The following CTNNA3 variants were observed in gnomAD, a reference collection of about 807,000 sequenced individuals.
CTNNA3 encodes the protein catenin alpha 3.
Under a neutral mutation model 95.7 loss-of-function variants are expected in CTNNA3, and 76 were observed. The ratio of observed to expected loss-of-function variants is 0.79; its 90% CI spans 0.66 to 0.96. The LOEUF (loss-of-function observed/expected upper bound fraction) is 0.96, where lower values mean the gene tolerates loss of function less well. CTNNA3 is among the 40% of genes least tolerant of loss of function. CTNNA3 has a pLI of 0.00. For synonymous variants in CTNNA3, 431 were observed against 374.4 expected, an observed-to-expected ratio of 1.15 and a Z score of -1.74; for missense variants, 1,191 against 1,089.8, an observed-to-expected ratio of 1.09 and a Z score of -1.31.
chr10:67,701,925 A>T (rs1199524969), intron 1 of CTNNA3, among the ~76,000 whole-genome samples: 2 of 152,198 alleles, frequency 1.3e-5, no homozygotes, highest in Non-Finnish European at 2.9e-5. Flanking sequence ...AAAAGGATGG[A>T]GGAAGATCTA....
At chr10:66,206,731 G>C (rs554058411) in intron 13 of CTNNA3, among the ~76,000 whole-genome samples, 1 of 151,940 alleles carries the variant, frequency 6.6e-6, no homozygotes, top group South Asian at 2.1e-4. Flanking sequence ...ATTAAGAGAA[G>C]ATTTTCTTTG....
At chr10:66,599,675 G>A (rs1014735200) in intron 10 of CTNNA3, among the ~76,000 whole-genome samples, 1 of 151,496 alleles carries the variant, frequency 6.6e-6, no homozygotes, top group Non-Finnish European at 1.5e-5. Flanking sequence ...AAGTGTCTTA[G>A]GAAATGAGTT....
At chr10:67,589,354 G>T (rs146650843) in intron 3 of CTNNA3, among the ~76,000 whole-genome samples, 2,421 of 151,948 alleles carry the variant, frequency 0.016, 22 homozygotes, top group South Asian at 0.034. Context: ...TATATACCCA[G>T]GGCCCAAAAT....
At chr10:66,232,144 T>G (rs1441104485) in intron 13 of CTNNA3, among the ~76,000 whole-genome samples, 2 of 152,176 alleles carry the variant, frequency 1.3e-5, no homozygotes, top group Admixed American at 1.3e-4. Context: ...TCCAATGCCT[T>G]GATTTCAGTC....
At chr10:66,115,751 T>C (rs1331617776) in intron 13 of CTNNA3, among the ~76,000 whole-genome samples, 3 of 152,056 alleles carry the variant, frequency 2.0e-5, no homozygotes, top group African/African-American at 7.2e-5. Flanking sequence ...CTAGGCACAG[T>C]AATAAAGCAA....
rs2077062157 is a variant in CTNNA3 at position 65,920,332 on chromosome 10, A to G, written c.2686T>C (p.Ter896ArgextTer39). Residue 896 changes from the stop codon to arginine (R), a stop_lost, in exon 18 of 18, where the codon TGA (stop) becomes CGA (arginine). Transcript: ENST00000433211. ...MSEFRGRQIY* is the reference protein window; with the variant it reads ...MSEFRGRQIYR Reference sequence around the variant, plus strand: ...GCACTATATGTAGAATAGTGGTTTCAGTAGATTTGTCTTCCTCTAAATTCA... The same window carrying G: ...GCACTATATGTAGAATAGTGGTTTCGGTAGATTTGTCTTCCTCTAAATTCA... 2 of 1,612,922 alleles carry G rather than the reference A, an allele frequency of 1.2e-6. No homozygotes were observed. Among genetic ancestry groups the G allele is most frequent in the Non-Finnish European group, 1.7e-6 (2 of 1,179,480 alleles).
chr10:66,520,660 G>A lies in CTNNA3; in HGVS notation c.1488C>T (p.Ala496=), dbSNP rs774425528. The A allele has an allele frequency of 8.7e-6, 14 of 1,609,724 alleles. No individual in the cohort carries two copies. The East Asian group carries it at 1.3e-4, about 15-fold the overall frequency. Residue 496 remains alanine, a synonymous_variant, in exon 11 of 18, where the codon GCC becomes GCT. Coordinates refer to ENST00000433211, the MANE Select transcript of CTNNA3 (RefSeq NM_013266.4). ...WENHIHVLTE[A]VDDITSIDDF... ...CATCAATGCTTGTAATGTCATCTAC[G>A]GCTTCAGTGAGGACATGTATATGAT...
chr10:66,853,170 T>C (rs1440409203), intron 7 of CTNNA3, among the ~76,000 whole-genome samples: 1 of 152,166 alleles, frequency 6.6e-6, no homozygotes, highest in Non-Finnish European at 1.5e-5. Flanking sequence ...AAATAAAGTT[T>C]TATTGAACCA....
intron 5 of CTNNA3, among the ~76,000 whole-genome samples, chr10:67,335,088 G>A (rs1236252425): frequency 6.6e-6 from 1 of 152,020 alleles, no homozygotes; most frequent in Non-Finnish European, 1.5e-5. Context: ...GCCAGCCAGA[G>A]CCACTGTCAG....
At chr10:65,924,962 A>G (rs544038063) in intron 17 of CTNNA3, among the ~76,000 whole-genome samples, 3 of 152,276 alleles carry the variant, frequency 2.0e-5, no homozygotes, top group African/African-American at 2.4e-5. Flanking sequence ...ACATCATGGG[A>G]AAAACCTGCC....
intron 7 of CTNNA3, among the ~76,000 whole-genome samples, chr10:66,860,381 T>G (rs2132409468): frequency 6.6e-6 from 1 of 152,284 alleles, no homozygotes; most frequent in Non-Finnish European, 1.5e-5. Flanking sequence ...TCAAAGTTTA[T>G]TTCCAACATG....
intron 11 of CTNNA3, among the ~76,000 whole-genome samples, chr10:66,513,097 T>G (rs1362147832): frequency 6.6e-6 from 1 of 152,158 alleles, no homozygotes; most frequent in Non-Finnish European, 1.5e-5. Flanking sequence ...AGTGGCCTAT[T>G]TATTTTCTCA....
At chr10:67,089,236 A>C in intron 7 of CTNNA3, among the ~76,000 whole-genome samples, 1 of 152,192 alleles carries the variant, frequency 6.6e-6, no homozygotes, top group South Asian at 2.1e-4. Context: ...TTAGCTCTTA[A>C]GAAAATATAA....
chr10:67,280,494 C>A (rs75889222), intron 5 of CTNNA3, among the ~76,000 whole-genome samples: 3,200 of 151,994 alleles, frequency 0.021, 116 homozygotes, highest in African/African-American at 0.071. Flanking sequence ...GAGCAGAGTT[C>A]ATTGGGCAAA....
intron 7 of CTNNA3, among the ~76,000 whole-genome samples, chr10:67,020,689 A>G (rs1852949432): frequency 6.6e-6 from 1 of 152,220 alleles, no homozygotes. Flanking sequence ...ATCAAAAGTT[A>G]TTTAAGGGGA....
intron 6 of CTNNA3, among the ~76,000 whole-genome samples, chr10:67,186,974 C>A (rs150380406): frequency 6.6e-6 from 1 of 152,060 alleles, no homozygotes; most frequent in Non-Finnish European, 1.5e-5. Context: ...TGAATCCTGG[C>A]GCATAGCTAT....
At chr10:66,481,201 G>A (rs986702919) in intron 11 of CTNNA3, among the ~76,000 whole-genome samples, 1 of 151,896 alleles carries the variant, frequency 6.6e-6, no homozygotes, top group African/African-American at 2.4e-5. Context: ...ACAAATTCAG[G>A]GTTACTGTAT....
chr10:66,876,086 C>T (rs549915454), intron 7 of CTNNA3, among the ~76,000 whole-genome samples: 13 of 152,238 alleles, frequency 8.5e-5, no homozygotes, highest in African/African-American at 3.1e-4. Context: ...TAAATATCTG[C>T]CTTCTTCCAG....
chr10:67,045,983 T>C (rs1169122631), intron 7 of CTNNA3, among the ~76,000 whole-genome samples: 1 of 152,204 alleles, frequency 6.6e-6, no homozygotes, highest in Non-Finnish European at 1.5e-5. Flanking sequence ...ACATCATGTT[T>C]GATCCATTGA....
Sources: allele counts gnomAD v4.1 joint callset (sites outside exome capture counted in the v4.1 genomes callset), GRCh38; gene constraint gnomAD v4.1.1; transcripts MANE v1.5; gene names NCBI Gene and HGNC (gene_info 2026-07-23, HGNC 2026-07-21).